PRKCA: variants seen among roughly 807,000 people sequenced by gnomAD.
The protein encoded by PRKCA is protein kinase C alpha type.
PRKCA carries 27 observed loss-of-function variants against 87.0 expected under a neutral mutation model. That is an observed-to-expected ratio of 0.31 (90% CI 0.23 to 0.43). PRKCA has a LOEUF of 0.43. PRKCA is among the 20% of genes least tolerant of loss of function. The pLI, the probability that PRKCA is intolerant of heterozygous loss-of-function variation, is 1.00. For synonymous variants in PRKCA, 329 were observed against 311.1 expected (o/e 1.06, Z -0.61); for missense variants, 518 against 852.3 (o/e 0.61, Z 4.88).
chr17:66,322,728 C>T (rs1905755425), intron 2 of PRKCA, among the ~76,000 whole-genome samples: 1 of 150,688 alleles, frequency 6.6e-6, no homozygotes, highest in South Asian at 2.1e-4. Flanking sequence ...GTCTCGGCAT[C>T]CCACAGTAGT....
chr17:66,515,362 G>A (rs955729431), intron 3 of PRKCA, among the ~76,000 whole-genome samples: 23 of 151,752 alleles, frequency 1.5e-4, no homozygotes, highest in African/African-American at 5.6e-4. Context: ...GCCTTACCAT[G>A]TGTGCACACG....
intron 13 of PRKCA, among the ~76,000 whole-genome samples, chr17:66,765,474 G>T (rs1210168057): frequency 4.9e-5 from 4 of 81,516 alleles, no homozygotes; most frequent in Admixed American, 1.3e-4. Flanking sequence ...ATACATATTT[G>T]TCCATATATA....
intron 3 of PRKCA, among the ~76,000 whole-genome samples, chr17:66,605,695 G>A (rs997485065): frequency 1.3e-5 from 2 of 152,210 alleles, no homozygotes; most frequent in Non-Finnish European, 2.9e-5. Context: ...ATCAGCTGAT[G>A]AATGGCTAAG....
chr17:66,400,556 C>G (rs898571392), intron 2 of PRKCA, among the ~76,000 whole-genome samples: 5 of 152,222 alleles, frequency 3.3e-5, no homozygotes, highest in Non-Finnish European at 5.9e-5. Flanking sequence ...CACCTCTTGG[C>G]TACTCTTGAG....
chr17:66,309,791 A>C (rs747900416), intron 2 of PRKCA, among the ~76,000 whole-genome samples: 1 of 151,904 alleles, frequency 6.6e-6, no homozygotes, highest in Non-Finnish European at 1.5e-5. Context: ...GTCCTTGCCC[A>C]CTTTTTTTTT....
intron 3 of PRKCA, 89 bp downstream of exon 3, chr17:66,496,372 C>T: frequency 1.8e-6 from 2 of 1,135,644 alleles, no homozygotes; most frequent in Non-Finnish European, 1.3e-6. Context: ...AGTTTTGGCA[C>T]TTACTGTTAA....
intron 2 of PRKCA, among the ~76,000 whole-genome samples, chr17:66,399,141 C>T (rs563177787): frequency 7.0e-4 from 101 of 143,630 alleles, no homozygotes; most frequent in Non-Finnish European, 1.3e-3. Flanking sequence ...CTCTGTCTTC[C>T]GGGCTGGAGT....
intron 2 of PRKCA, among the ~76,000 whole-genome samples, chr17:66,431,675 C>T (rs1206632129): frequency 6.6e-6 from 1 of 152,170 alleles, no homozygotes; most frequent in Non-Finnish European, 1.5e-5. Flanking sequence ...ATGCCCTTCC[C>T]CTCCATTGTA....
At chr17:66,523,288 G>A (rs977663670) in intron 3 of PRKCA, among the ~76,000 whole-genome samples, 1 of 152,104 alleles carries the variant, frequency 6.6e-6, no homozygotes, top group African/African-American at 2.4e-5. Context: ...GTTCCTCCCC[G>A]AAATTCAGGC....
chr17:66,365,358 A>G (rs916051907), intron 2 of PRKCA, among the ~76,000 whole-genome samples: 2 of 152,158 alleles, frequency 1.3e-5, no homozygotes, highest in African/African-American at 2.4e-5. Flanking sequence ...GGCTTCCTGC[A>G]GCTTAAGTAG....
At chr17:66,778,225 C>T (rs866841732) in intron 14 of PRKCA, 2 of 984,536 alleles carry the variant, frequency 2.0e-6, no homozygotes, top group Middle Eastern at 5.2e-4. Flanking sequence ...CTATTAAAAA[C>T]GGTGATGGCT....
At chr17:66,729,611 C>G (rs1973834215) in intron 8 of PRKCA, among the ~76,000 whole-genome samples, 1 of 152,046 alleles carries the variant, frequency 6.6e-6, no homozygotes, top group South Asian at 2.1e-4. Context: ...CCACTACATG[C>G]TGCCAACAAA....
At chr17:66,529,300 C>G (rs1051012745) in intron 3 of PRKCA, among the ~76,000 whole-genome samples, 1 of 152,150 alleles carries the variant, frequency 6.6e-6, no homozygotes, top group South Asian at 2.1e-4. Flanking sequence ...AGTTATAAGA[C>G]GTGAATAAGA....
At chr17:66,749,201 C>A (rs958205535) in intron 13 of PRKCA, among the ~76,000 whole-genome samples, 11 of 152,102 alleles carry the variant, frequency 7.2e-5, no homozygotes, top group Non-Finnish European at 1.5e-4. Context: ...AATTGGGTAT[C>A]TTGGAGAAGC....
chr17:66,498,133 G>A (rs185658783), intron 3 of PRKCA, among the ~76,000 whole-genome samples: 275 of 130,788 alleles, frequency 2.1e-3, no homozygotes, highest in African/African-American at 7.7e-3. Flanking sequence ...CCTCCCCCCT[G>A]CTCCCCGCCT....
chr17:66,427,211 T>C (rs1912859831), intron 2 of PRKCA, among the ~76,000 whole-genome samples: 1 of 152,118 alleles, frequency 6.6e-6, no homozygotes, highest in African/African-American at 2.4e-5. Flanking sequence ...TTTGTATTTC[T>C]CGTAGAGACG....
At position 66,726,078 on chromosome 17, in the gene PRKCA, C is replaced by A. The variant is rs772873777; in HGVS notation, c.919-6610C>A. 1.7e-3 allele frequency among the ~76,000 whole-genome samples: 262 copies of A among 152,122 alleles called. 3 individuals carry two copies. Among genetic ancestry groups the A allele is most frequent in the Non-Finnish European group, 2.9e-3 (195 of 68,028 alleles). ...TCCCATAACTCGGGCACCTCGGGCT[C>A]CCTCTGCAGGAGTGGTCTGAATGGA... On this transcript the variant is annotated intron_variant, in intron 8 of 16. Coordinates refer to ENST00000413366, the MANE Select transcript of PRKCA (RefSeq NM_002737.3).
intron 3 of PRKCA, among the ~76,000 whole-genome samples, chr17:66,630,116 C>A (rs1347059837): frequency 6.6e-6 from 1 of 151,938 alleles, no homozygotes; most frequent in Non-Finnish European, 1.5e-5. Flanking sequence ...CTCAGAGTTA[C>A]CATAAAGCTA....
Position 66,450,392 on chromosome 17 carries a change from C to T in PRKCA, c.206-45809C>T, listed in dbSNP as rs370552066. Among the ~76,000 whole-genome samples the T allele has an allele frequency of 5.9e-5, 9 of 152,246 alleles. No individual in the cohort carries two copies. The South Asian group carries it at 8.3e-4, about 14-fold the overall frequency. On this transcript the variant is annotated intron_variant, in intron 2 of 16. Transcript: ENST00000413366. ...GGGTGGTACTGAGTGCTAAGTAAAA[C>T]GAGTTAGAAATGCCTTTCACAGAGT...
Sources: gnomAD v4.1 joint callset for allele counts (sites outside exome capture counted in the v4.1 genomes callset) on GRCh38, gnomAD v4.1.1 for gene constraint, MANE v1.5 for transcripts, NCBI Gene and HGNC (gene_info 2026-07-23, HGNC 2026-07-21) for gene names.